QTMAN: variants seen among roughly 807,000 people sequenced by gnomAD.
QTMAN encodes the protein tRNA-queuosine alpha-mannosyltransferase.
At chr2:144,063,803 T>C in the QTMAN span, among the ~76,000 whole-genome samples, 1 of 152,316 alleles carries the variant, frequency 6.6e-6, no homozygotes, top group Non-Finnish European at 1.5e-5. Context: ...TTTAGTAATC[T>C]GAATAAAACA....
chr2:143,972,313 A>G, the QTMAN span, among the ~76,000 whole-genome samples: 1 of 151,262 alleles, frequency 6.6e-6, no homozygotes, highest in African/African-American at 2.5e-5. Context: ...TGGAAACAAT[A>G]TAATATATCT....
the QTMAN span, among the ~76,000 whole-genome samples, chr2:144,060,314 G>A: frequency 4.6e-5 from 7 of 151,642 alleles, no homozygotes; most frequent in African/African-American, 1.7e-4. Flanking sequence ...AGGCTAGAGT[G>A]CAATGGCACG....
chr2:144,181,736 G>A, the QTMAN span, among the ~76,000 whole-genome samples: 6 of 152,034 alleles, frequency 3.9e-5, no homozygotes, highest in South Asian at 4.1e-4. Flanking sequence ...AGTTGAGCCC[G>A]GGAGATGGAG....
the QTMAN span, among the ~76,000 whole-genome samples, chr2:144,033,279 C>A: frequency 6.6e-6 from 1 of 152,238 alleles, no homozygotes; most frequent in Non-Finnish European, 1.5e-5. Flanking sequence ...GCCTTAAATA[C>A]TTCTGACCAA....
At chr2:144,178,851 A>C in the QTMAN span, 1 of 365,076 alleles carries the variant, frequency 2.7e-6, no homozygotes, top group Non-Finnish European at 5.6e-6. Flanking sequence ...GCTTCTTTTC[A>C]GGAAGCTGGA....
the QTMAN span, among the ~76,000 whole-genome samples, chr2:144,277,110 A>G: frequency 6.6e-6 from 1 of 152,224 alleles, no homozygotes; most frequent in African/African-American, 2.4e-5. Context: ...ATGTAGCTTG[A>G]GTATATGAAA....
chr2:144,212,330 G>T, the QTMAN span, among the ~76,000 whole-genome samples: 1 of 151,924 alleles, frequency 6.6e-6, no homozygotes, highest in South Asian at 2.1e-4. Flanking sequence ...GGCATGGTGA[G>T]GCATGCCCGT....
the QTMAN span, among the ~76,000 whole-genome samples, chr2:144,024,313 G>T: frequency 6.6e-6 from 1 of 152,206 alleles, no homozygotes; most frequent in Non-Finnish European, 1.5e-5. Flanking sequence ...TGTCTAGCAG[G>T]TTTATGGCCC....
chr2:144,090,478 C>CA, the QTMAN span, among the ~76,000 whole-genome samples: 99 of 151,224 alleles, frequency 6.5e-4, 2 homozygotes, highest in South Asian at 0.011. Flanking sequence ...ATAAAATCTA[C>CA]AAAAAAAAGT....
At chr2:144,143,930 G>T in the QTMAN span, among the ~76,000 whole-genome samples, 3 of 152,020 alleles carry the variant, frequency 2.0e-5, no homozygotes, top group African/African-American at 4.8e-5. Context: ...AAACATTTGA[G>T]GAAGCAGGAG....
chr2:144,082,950 C>G, the QTMAN span, among the ~76,000 whole-genome samples: 1 of 152,008 alleles, frequency 6.6e-6, no homozygotes, highest in Admixed American at 6.6e-5. Flanking sequence ...TTGGAGACAG[C>G]TATGTTTGCC....
chr2:143,949,829 T>G, the QTMAN span, among the ~76,000 whole-genome samples: 1 of 151,354 alleles, frequency 6.6e-6, no homozygotes, highest in East Asian at 1.9e-4. Context: ...TTATAAAGGT[T>G]TAGAAGGCAT....
At chr2:144,040,080 A>G in the QTMAN span, among the ~76,000 whole-genome samples, 2 of 152,154 alleles carry the variant, frequency 1.3e-5, no homozygotes, top group Non-Finnish European at 2.9e-5. Context: ...CTTTGCTTCC[A>G]TTGACTGTCT....
chr2:144,281,215 G>A, the QTMAN span, among the ~76,000 whole-genome samples: 1 of 151,568 alleles, frequency 6.6e-6, no homozygotes, highest in Non-Finnish European at 1.5e-5. Flanking sequence ...CACTTTCAGA[G>A]AAGCGAAGAA....
At chr2:144,225,043 T>C in the QTMAN span, among the ~76,000 whole-genome samples, 1 of 152,192 alleles carries the variant, frequency 6.6e-6, no homozygotes, top group Admixed American at 6.5e-5. Flanking sequence ...CACATAACTA[T>C]TCAAATTCTC....
chr2:144,234,245 C>T, the QTMAN span, among the ~76,000 whole-genome samples: 1 of 152,102 alleles, frequency 6.6e-6, no homozygotes, highest in African/African-American at 2.4e-5. Context: ...ACCGTCTCTT[C>T]AATCCTATTC....
the QTMAN span, chr2:144,178,673 T>C: frequency 1.1e-5 from 2 of 181,878 alleles, no homozygotes; most frequent in African/African-American, 2.4e-5. Context: ...CTGCAGCACC[T>C]ACCCTATACC....
the QTMAN span, among the ~76,000 whole-genome samples, chr2:144,119,364 AT>A: frequency 6.6e-6 from 1 of 152,198 alleles, no homozygotes; most frequent in Non-Finnish European, 1.5e-5. Context: ...AAGTCAGGCC[AT>A]GTCTTAGAGT....
the QTMAN span, among the ~76,000 whole-genome samples, chr2:144,055,332 C>G: frequency 1.6e-4 from 23 of 142,272 alleles, no homozygotes; most frequent in Non-Finnish European, 2.3e-4. Context: ...CACAGACACA[C>G]AGACACACAC....
Sources: gnomAD v4.1 joint callset for allele counts (sites outside exome capture counted in the v4.1 genomes callset) on GRCh38, gnomAD v4.1.1 for gene constraint, MANE v1.5 for transcripts, NCBI Gene and HGNC (gene_info 2026-07-23, HGNC 2026-07-21) for gene names.